PCDH15: variants seen among roughly 807,000 people sequenced by gnomAD.
PCDH15 encodes protocadherin related 15, also known as protocadherin-15.
A neutral mutation model predicts 178.5 loss-of-function variants in PCDH15; 129 were observed. That is an observed-to-expected ratio of 0.72 (90% CI 0.63 to 0.84). The LOEUF is 0.84. Among genes scored for constraint, PCDH15 ranks in the 40% least tolerant of loss-of-function variants. The pLI is 0.00. For missense variants in PCDH15, 2,230 were observed against 2,099.9 expected (o/e 1.06, Z -1.21); for synonymous variants, 800 against 732.0 (o/e 1.09, Z -1.50).
At chr10:53,883,710 A>C (rs1171520849) in intron 26 of PCDH15, among the ~76,000 whole-genome samples, 1 of 152,124 alleles carries the variant, frequency 6.6e-6, no homozygotes, top group Non-Finnish European at 1.5e-5. Flanking sequence ...TAACATTCAC[A>C]TTTAAAAGGC....
chr10:54,579,298 AAG>A (rs758924215), intron 2 of PCDH15, among the ~76,000 whole-genome samples: 2 of 152,126 alleles, frequency 1.3e-5, no homozygotes, highest in Non-Finnish European at 2.9e-5. Flanking sequence ...GGGTTGGAGA[AAG>A]ATGTATCATG....
At chr10:55,476,329 T>G (rs1383304023) in intron 2 of PCDH15, among the ~76,000 whole-genome samples, 4 of 151,968 alleles carry the variant, frequency 2.6e-5, no homozygotes, top group Non-Finnish European at 4.4e-5. Context: ...AAAAAGCATC[T>G]GAAGTATGAG....
At chr10:54,647,889 C>T (rs930783876) in intron 2 of PCDH15, among the ~76,000 whole-genome samples, 6 of 151,978 alleles carry the variant, frequency 3.9e-5, no homozygotes, top group Admixed American at 6.6e-5. Flanking sequence ...TTTCTTACTC[C>T]TTCTTCCCTA....
rs146811168 is a variant in PCDH15 at position 54,422,278 on chromosome 10, T to C, written c.158-43336A>G. On this transcript the variant is annotated intron_variant, in intron 3 of 37. Transcript: ENST00000644397. ...ACCTATCTTTTACAGGCTATGTGAT[T>C]GTGGATGTTACCTCCTCTATGCTTC... Among the ~76,000 whole-genome samples, 1,009 of 152,156 alleles carry C rather than the reference T, an allele frequency of 6.6e-3. 24 individuals are homozygous for C. The highest frequency in any genetic ancestry group is 0.02 in the Admixed American group (309 of 15,264).
intron 3 of PCDH15, among the ~76,000 whole-genome samples, chr10:54,497,466 C>T (rs1444727136): frequency 6.6e-6 from 1 of 152,044 alleles, no homozygotes; most frequent in East Asian, 1.9e-4. Flanking sequence ...GCTAAAATGA[C>T]AGACATAGAA....
intron 1 of PCDH15, among the ~76,000 whole-genome samples, chr10:55,290,084 C>A (rs1842969947): frequency 6.6e-6 from 1 of 151,580 alleles, no homozygotes. Context: ...ATAAACTACC[C>A]AGTCTATGAT....
chr10:55,361,142 G>T (rs766642921), intron 2 of PCDH15, among the ~76,000 whole-genome samples: 4 of 151,896 alleles, frequency 2.6e-5, no homozygotes, highest in Non-Finnish European at 5.9e-5. Flanking sequence ...TTCAAAAATA[G>T]GTTATTCTAA....
intron 2 of PCDH15, among the ~76,000 whole-genome samples, chr10:55,088,659 G>A (rs1842239743): frequency 6.6e-6 from 1 of 152,030 alleles, no homozygotes; most frequent in South Asian, 2.1e-4. Flanking sequence ...TGTACAGGTA[G>A]AATTTATATG....
chr10:53,909,765 T>C (rs1442757336), intron 25 of PCDH15, among the ~76,000 whole-genome samples: 1 of 152,188 alleles, frequency 6.6e-6, no homozygotes, highest in Non-Finnish European at 1.5e-5. Flanking sequence ...AGGGAAGTCA[T>C]GACAGATTGT....
chr10:55,188,767 T>C (rs1839867390), intron 1 of PCDH15, among the ~76,000 whole-genome samples: 1 of 151,884 alleles, frequency 6.6e-6, no homozygotes. Flanking sequence ...TATTTTTACA[T>C]ACATGTGTAT....
chr10:54,742,817 C>T lies in PCDH15; in HGVS notation c.-29+58108G>A, dbSNP rs557482094. Among the ~76,000 whole-genome samples the T allele has an allele frequency of 2.8e-3, 429 of 152,108 alleles. 1 individual carries two copies. Among genetic ancestry groups the T allele is most frequent in the African/African-American group, 9.9e-3 (412 of 41,524 alleles). On this transcript the variant is annotated intron_variant, in intron 1 of 37. Coordinates refer to ENST00000644397, the MANE Select transcript of PCDH15 (RefSeq NM_001384140.1). ...CTGGGGTGAGGGAAGAAGTCTTCGT[C>T]ACAAAGAATACATTGCCCAGTAGGA... is the stretch of plus-strand genomic sequence containing the variant.
At chr10:53,836,069 C>T (rs1475510584) in intron 29 of PCDH15, among the ~76,000 whole-genome samples, 2 of 152,104 alleles carry the variant, frequency 1.3e-5, no homozygotes, top group African/African-American at 4.8e-5. Flanking sequence ...AGGCAAAGGT[C>T]TACTGCTTCT....
At chr10:54,698,046 C>T (rs1377913693) in intron 1 of PCDH15, among the ~76,000 whole-genome samples, 1 of 151,896 alleles carries the variant, frequency 6.6e-6, no homozygotes, top group Non-Finnish European at 1.5e-5. Flanking sequence ...ATGAAGCAGT[C>T]AAGAGGAGAA....
intron 1 of PCDH15, among the ~76,000 whole-genome samples, chr10:55,238,213 G>C (rs1841443049): frequency 6.8e-6 from 1 of 146,458 alleles, no homozygotes; most frequent in Admixed American, 7.0e-5. Flanking sequence ...ACAGTGGCGC[G>C]ATCTCGGCTC....
intron 2 of PCDH15, among the ~76,000 whole-genome samples, chr10:55,354,698 T>C (rs1392846070): frequency 6.6e-6 from 1 of 152,110 alleles, no homozygotes; most frequent in Non-Finnish European, 1.5e-5. Flanking sequence ...ATCCTGGCTG[T>C]GCTTCAGAAC....
intron 2 of PCDH15, among the ~76,000 whole-genome samples, chr10:55,025,462 C>A (rs1395831037): frequency 6.6e-6 from 1 of 152,114 alleles, no homozygotes; most frequent in Non-Finnish European, 1.5e-5. Flanking sequence ...TCCACCTCAT[C>A]TATTTACAGC....
intron 1 of PCDH15, among the ~76,000 whole-genome samples, chr10:55,217,203 T>C (rs1258516838): frequency 4.6e-5 from 7 of 151,900 alleles, no homozygotes; most frequent in Non-Finnish European, 7.4e-5. Flanking sequence ...TTTGGTCAAC[T>C]CGAAAGAAAT....
chr10:54,337,739 C>A (rs1370945240), intron 6 of PCDH15, among the ~76,000 whole-genome samples: 3 of 152,120 alleles, frequency 2.0e-5, no homozygotes, highest in Non-Finnish European at 4.4e-5. Context: ...TCAGAGCTCA[C>A]CTGAATCAAC....
chr10:53,851,719 TATA>T (rs1564611396), intron 28 of PCDH15, among the ~76,000 whole-genome samples: 3 of 96,366 alleles, frequency 3.1e-5, no homozygotes, highest in African/African-American at 8.5e-5. Context: ...TATATATATA[TATA>T]TTTACACACA....
Sources: allele counts gnomAD v4.1 joint callset (sites outside exome capture counted in the v4.1 genomes callset), GRCh38; gene constraint gnomAD v4.1.1; transcripts MANE v1.5; gene names NCBI Gene and HGNC (gene_info 2026-07-23, HGNC 2026-07-21).